Variants in CDK8 observed in about 807,000 individuals in gnomAD.
The protein encoded by CDK8 is cyclin-dependent kinase 8.
Under a neutral mutation model 71.5 loss-of-function variants are expected in CDK8, and 29 were observed. The ratio of observed to expected loss-of-function variants is 0.41; its 90% CI spans 0.30 to 0.55. The LOEUF (loss-of-function observed/expected upper bound fraction) is 0.55, where lower values mean the gene tolerates loss of function less well. Among genes scored for constraint, CDK8 ranks in the 20% least tolerant of loss-of-function variants. The pLI is 0.37. For missense variants in CDK8, 288 were observed against 572.6 expected, an observed-to-expected ratio of 0.50 and a Z score of 5.07; for synonymous variants, 161 against 192.1, an observed-to-expected ratio of 0.84 and a Z score of 1.34.
chr13:26,327,025 A>G (rs1341345617), intron 1 of CDK8, among the ~76,000 whole-genome samples: 2 of 152,196 alleles, frequency 1.3e-5, no homozygotes, highest in African/African-American at 4.8e-5. Context: ...TTTAGTTTCT[A>G]TCATCAAGTG....
At chr13:26,302,292 T>C (rs1041440768) in intron 1 of CDK8, among the ~76,000 whole-genome samples, 1 of 152,224 alleles carries the variant, frequency 6.6e-6, no homozygotes, top group Non-Finnish European at 1.5e-5. Flanking sequence ...ATAACATCTA[T>C]AGTATTTCTA....
intron 1 of CDK8, among the ~76,000 whole-genome samples, chr13:26,283,390 A>C (rs1872848460): frequency 6.6e-6 from 1 of 152,138 alleles, no homozygotes; most frequent in Admixed American, 6.5e-5. Flanking sequence ...CGGGCGGATC[A>C]CAAGGTTAGG....
At chr13:26,258,483 A>G (rs1352958829) in intron 1 of CDK8, among the ~76,000 whole-genome samples, 1 of 145,898 alleles carries the variant, frequency 6.9e-6, no homozygotes, top group East Asian at 1.9e-4. Flanking sequence ...ATACTTGTGT[A>G]TCTAGAGGGG....
intron 1 of CDK8, among the ~76,000 whole-genome samples, chr13:26,303,383 C>G (rs1873904518): frequency 6.6e-6 from 1 of 152,024 alleles, no homozygotes; most frequent in African/African-American, 2.4e-5. Context: ...TTGTTGCAAC[C>G]TCCGCCTCCT....
intron 1 of CDK8, among the ~76,000 whole-genome samples, chr13:26,266,022 A>G (rs1470130255): frequency 6.6e-6 from 1 of 152,154 alleles, no homozygotes; most frequent in Non-Finnish European, 1.5e-5. Context: ...GGGAGAAATG[A>G]TAGGACTTGT....
intron 12 of CDK8, among the ~76,000 whole-genome samples, chr13:26,402,690 T>A (rs535149711): frequency 6.6e-6 from 1 of 152,338 alleles, no homozygotes; most frequent in East Asian, 1.9e-4. Context: ...GGTTCCAGTA[T>A]CTTTTTCTTC....
At chr13:26,381,450 G>A (rs1219264844) in intron 4 of CDK8, among the ~76,000 whole-genome samples, 2 of 152,050 alleles carry the variant, frequency 1.3e-5, no homozygotes, top group African/African-American at 4.8e-5. Flanking sequence ...GGTTAGAAGT[G>A]CGTGTGTGTG....
chr13:26,254,843 A>C lies in CDK8; in HGVS notation c.128+74A>C. On this transcript the variant is annotated intron_variant, in intron 1 of 12. Coordinates refer to ENST00000381527, the MANE Select transcript of CDK8 (RefSeq NM_001260.3). The surrounding 1 kb of genome is among the most constrained non-coding windows in gnomAD (Gnocchi z 6.7). ...AGGCCGAGGCAGGTAGCCCGGAGGG[A>C]GAGCGGGCCGCCGGGGTGCCGGGCT... 1 of 1,564,776 alleles carries C rather than the reference A, an allele frequency of 6.4e-7. No homozygotes were observed. The highest frequency in any genetic ancestry group is 8.7e-7 in the Non-Finnish European group (1 of 1,152,402).
chr13:26,399,225 G>C (rs1026093140), intron 9 of CDK8, among the ~76,000 whole-genome samples: 2 of 152,032 alleles, frequency 1.3e-5, no homozygotes, highest in East Asian at 3.9e-4. Context: ...GACCAGGCTG[G>C]TCTCGAACTC....
At chr13:26,260,243 G>A (rs1014573107) in intron 1 of CDK8, among the ~76,000 whole-genome samples, 1 of 152,072 alleles carries the variant, frequency 6.6e-6, no homozygotes, top group Admixed American at 6.6e-5. Context: ...CACTACAAAT[G>A]TTCCATTGTA....
intron 3 of CDK8, among the ~76,000 whole-genome samples, chr13:26,350,282 T>A (rs1267686113): frequency 6.6e-6 from 1 of 152,210 alleles, no homozygotes. Context: ...AAGATTCGTG[T>A]GAAAATAAAT....
intron 1 of CDK8, among the ~76,000 whole-genome samples, chr13:26,256,819 C>G (rs1237543810): frequency 6.6e-6 from 1 of 152,126 alleles, no homozygotes; most frequent in Non-Finnish European, 1.5e-5. Flanking sequence ...TTCCATCAGT[C>G]TTTAATGATT....
intron 2 of CDK8, among the ~76,000 whole-genome samples, chr13:26,342,268 G>C (rs17083857): frequency 0.058 from 8,770 of 152,216 alleles, 417 homozygotes; most frequent in African/African-American, 0.12. Flanking sequence ...AACTTCTACA[G>C]TATTAAAAAC....
At chr13:26,315,254 C>T (rs999965443) in intron 1 of CDK8, among the ~76,000 whole-genome samples, 1 of 152,124 alleles carries the variant, frequency 6.6e-6, no homozygotes, top group Non-Finnish European at 1.5e-5. Context: ...GTGAATGATA[C>T]AAATGAAACT....
chr13:26,329,481 T>TG lies in CDK8; in HGVS notation c.129-8086_129-8085insG, dbSNP rs1202933346. ...CTTGCCTATTTCTGTTTTTTTTTTTTTGTTTTTTTTTTGTTTGTTTTGTTT... is the reference window on the plus strand; with the variant it reads ...CTTGCCTATTTCTGTTTTTTTTTTTTGTGTTTTTTTTTTGTTTGTTTTGTTT... On this transcript the variant is annotated intron_variant, in intron 1 of 12. Transcript: ENST00000381527. Among the ~76,000 whole-genome samples the TG allele has an allele frequency of 4.1e-3, 469 of 115,380 alleles. 5 individuals are homozygous for TG. Among genetic ancestry groups the TG allele is most frequent in the East Asian group, 9.6e-3 (33 of 3,438 alleles). 75.7% of individuals were successfully genotyped at this position (115,380 alleles called of 152,430 possible). A position where few individuals can be genotyped will look rare whatever the true frequency, so the allele number is the denominator to read the frequency against.
At chr13:26,275,351 G>A (rs1456471178) in intron 1 of CDK8, among the ~76,000 whole-genome samples, 1 of 152,148 alleles carries the variant, frequency 6.6e-6, no homozygotes, top group Non-Finnish European at 1.5e-5. Flanking sequence ...TGTATAGATA[G>A]ATGAATTACT....
Position 26,254,758 on chromosome 13 carries a change from G to C in CDK8, c.117G>C (p.Lys39Asn). The C allele has an allele frequency of 6.2e-7, 1 of 1,612,332 alleles. No homozygotes were observed. Among genetic ancestry groups the C allele is most frequent in the Non-Finnish European group, 8.5e-7 (1 of 1,179,226 alleles). ...CTTATGGTCACGTCTACAAAGCCAAGAGGAAAGATGGGTGAGTGTGTGTGT... is the reference window on the plus strand; with the variant it reads ...CTTATGGTCACGTCTACAAAGCCAACAGGAAAGATGGGTGAGTGTGTGTGT... ...RGTYGHVYKAKRKDGKDDKDY... is the reference protein window; with the variant it reads ...RGTYGHVYKANRKDGKDDKDY... The change falls in exon 1 of 13, where the codon AAG becomes AAC. Residue 39 changes from lysine to asparagine, a missense_variant. Lys to Asn is a moderately conservative substitution (Grantham distance 94). Around this residue, in one of 6 missense-constraint regions of CDK8, gnomAD observed 95 missense variants for 177.3 expected, o/e 0.54. Transcript: ENST00000381527. The surrounding 1 kb of genome is among the most constrained non-coding windows in gnomAD (Gnocchi z 6.7).
chr13:26,324,127 G>A (rs1438395752), intron 1 of CDK8, among the ~76,000 whole-genome samples: 1 of 152,198 alleles, frequency 6.6e-6, no homozygotes, highest in Non-Finnish European at 1.5e-5. Flanking sequence ...GAGTGCAAGA[G>A]TGAGAAGGTA....
intron 2 of CDK8, among the ~76,000 whole-genome samples, chr13:26,347,321 C>T (rs1873499952): frequency 6.6e-6 from 1 of 151,934 alleles, no homozygotes; most frequent in Non-Finnish European, 1.5e-5. Flanking sequence ...ATTTAAATGC[C>T]TGAAATTAGG....
Sources: allele counts gnomAD v4.1 joint callset (sites outside exome capture counted in the v4.1 genomes callset), GRCh38; gene constraint gnomAD v4.1.1; regional missense constraint gnomAD v4.1.1; non-coding constraint Gnocchi (gnomAD v3.1); transcripts MANE v1.5; gene names NCBI Gene and HGNC (gene_info 2026-07-23, HGNC 2026-07-21).